The following TAFA5 variants were observed in gnomAD, a reference collection of about 807,000 sequenced individuals.
The protein encoded by TAFA5 is chemokine-like protein TAFA-5.
In TAFA5, 6 loss-of-function variants were observed where a neutral mutation model predicts 15.3. The ratio of observed to expected loss-of-function variants is 0.39; its 90% CI spans 0.21 to 0.77. The LOEUF is 0.77. TAFA5 is among the 30% of genes least tolerant of loss of function. TAFA5 has a pLI of 0.41. For synonymous variants in TAFA5, 103 were observed against 80.7 expected, an observed-to-expected ratio of 1.28 and a Z score of -1.48; for missense variants, 161 against 193.1, an observed-to-expected ratio of 0.83 and a Z score of 0.98.
chr22:48,654,047 C>T (rs1210830219), intron 2 of TAFA5, among the ~76,000 whole-genome samples: 1 of 152,098 alleles, frequency 6.6e-6, no homozygotes, highest in African/African-American at 2.4e-5. Flanking sequence ...GCTCTAGCCT[C>T]TCCATGTCCC....
At chr22:48,580,003 C>G (rs190098473) in intron 1 of TAFA5, among the ~76,000 whole-genome samples, 1 of 152,160 alleles carries the variant, frequency 6.6e-6, no homozygotes, top group Non-Finnish European at 1.5e-5. Flanking sequence ...ACGGCTTGAA[C>G]GTGCTGTGCA....
chr22:48,685,606 T>C (rs1928328098), intron 2 of TAFA5, among the ~76,000 whole-genome samples: 1 of 152,096 alleles, frequency 6.6e-6, no homozygotes, highest in Non-Finnish European at 1.5e-5. Flanking sequence ...GGGCCTAAAC[T>C]CCAAAAGGGA....
rs1169641819 is a variant in TAFA5 at position 48,529,255 on chromosome 22, G to GT, written c.112+39552dup. On this transcript the variant is annotated intron_variant, in intron 1 of 3. Coordinates refer to ENST00000402357, the MANE Select transcript of TAFA5 (RefSeq NM_001082967.3). ...GGGTGTTCAGGCAGGAGATGGGGGTGTCAGGCAGGAGATGAGGGTGTCAGA... is the reference window on the plus strand; with the variant it reads ...GGGTGTTCAGGCAGGAGATGGGGGTGTTCAGGCAGGAGATGAGGGTGTCAGA... 5.1e-5 allele frequency among the ~76,000 whole-genome samples: 5 copies of GT among 97,794 alleles called. 1 individual carries two copies. Among genetic ancestry groups the GT allele is most frequent in the Admixed American group, 1.0e-4 (1 of 9,956 alleles). 64.2% of individuals were successfully genotyped at this position (97,794 alleles called of 152,430 possible). A position where few individuals can be genotyped will look rare whatever the true frequency, so the allele number is the denominator to read the frequency against.
intron 2 of TAFA5, among the ~76,000 whole-genome samples, chr22:48,680,708 T>G (rs1928156615): frequency 6.6e-6 from 1 of 152,230 alleles, no homozygotes. Context: ...GAGGATGTGG[T>G]CCTCACCGTG....
intron 1 of TAFA5, among the ~76,000 whole-genome samples, chr22:48,542,529 G>GT (rs200836701): frequency 1.1e-5 from 1 of 92,352 alleles, no homozygotes; most frequent in Non-Finnish European, 2.1e-5. Flanking sequence ...GTGCATGTGT[G>GT]GTGTGTGGTG....
At chr22:48,572,610 T>C (rs745444728) in intron 1 of TAFA5, among the ~76,000 whole-genome samples, 4 of 152,210 alleles carry the variant, frequency 2.6e-5, no homozygotes, top group Non-Finnish European at 5.9e-5. Flanking sequence ...CCTGGCTTTT[T>C]TTGTGTGCCA....
intron 2 of TAFA5, among the ~76,000 whole-genome samples, chr22:48,686,832 T>A (rs996969813): frequency 6.2e-5 from 9 of 144,374 alleles, no homozygotes; most frequent in Admixed American, 1.4e-4. Flanking sequence ...GATGGACTGA[T>A]TGATGGATGG....
rs528547893 is a variant in TAFA5, at chr22:48,574,800, G to A, written c.113-71797G>A. Among the ~76,000 whole-genome samples, 12 of 152,330 alleles carry A rather than the reference G, an allele frequency of 7.9e-5. No individual in the cohort carries two copies. The South Asian group carries it at 1.0e-3, about 13-fold the overall frequency. On this transcript the variant is annotated intron_variant, in intron 1 of 3. Transcript: ENST00000402357. ...CTGGGCTCTGGGGCGAACCCCTGACGAGGACACCTGTGCCCCCTGCTCTGG... is the reference window on the plus strand; with the variant it reads ...CTGGGCTCTGGGGCGAACCCCTGACAAGGACACCTGTGCCCCCTGCTCTGG...
intron 1 of TAFA5, among the ~76,000 whole-genome samples, chr22:48,638,112 A>G (rs1451287300): frequency 6.6e-6 from 1 of 152,066 alleles, no homozygotes; most frequent in Non-Finnish European, 1.5e-5. Context: ...CAGGGAACAC[A>G]CAGGTGTGTC....
chr22:48,718,341 C>T (rs1417304937), intron 3 of TAFA5, among the ~76,000 whole-genome samples: 2 of 152,174 alleles, frequency 1.3e-5, no homozygotes, highest in African/African-American at 4.8e-5. Context: ...AACACTGAGC[C>T]TCTGTGGGGG....
intron 1 of TAFA5, among the ~76,000 whole-genome samples, chr22:48,541,036 A>G (rs1211225479): frequency 1.3e-5 from 2 of 151,980 alleles, no homozygotes; most frequent in African/African-American, 2.4e-5. Flanking sequence ...GGGCTGAGGA[A>G]CCTGTTCAGG....
chr22:48,589,200 G>A (rs1346819665), intron 1 of TAFA5, among the ~76,000 whole-genome samples: 2 of 152,222 alleles, frequency 1.3e-5, no homozygotes, highest in Non-Finnish European at 2.9e-5. Flanking sequence ...TGCACGTATT[G>A]AGTACCTGCT....
chr22:48,559,943 C>G (rs8142427), intron 1 of TAFA5, among the ~76,000 whole-genome samples: 15,362 of 152,208 alleles, frequency 0.1, 1,333 homozygotes, highest in African/African-American at 0.22. Flanking sequence ...CTATCTCAGC[C>G]TGGCACGGGA....
intron 3 of TAFA5, among the ~76,000 whole-genome samples, chr22:48,734,480 G>T (rs879484167): frequency 6.6e-6 from 1 of 152,218 alleles, no homozygotes; most frequent in Non-Finnish European, 1.5e-5. Flanking sequence ...AGGTGTCCTC[G>T]TCCTGCTGGT....
chr22:48,619,115 T>C (rs1925715398), intron 1 of TAFA5, among the ~76,000 whole-genome samples: 1 of 152,214 alleles, frequency 6.6e-6, no homozygotes, highest in Non-Finnish European at 1.5e-5. Flanking sequence ...ATGTTTAAAA[T>C]ACAGCAGCTA....
chr22:48,555,376 C>T, intron 1 of TAFA5, among the ~76,000 whole-genome samples: 1 of 152,218 alleles, frequency 6.6e-6, no homozygotes, highest in Non-Finnish European at 1.5e-5. Flanking sequence ...GAGCTCAGCC[C>T]TGGTGCTCAG....
intron 1 of TAFA5, among the ~76,000 whole-genome samples, chr22:48,497,044 ACAGGGACTG>A (rs546328597): frequency 5.6e-4 from 86 of 152,222 alleles, no homozygotes; most frequent in African/African-American, 2.0e-3. Context: ...CTGGTCCCGC[ACAGGGACTG>A]CAGGCCTGCC....
At chr22:48,555,575 CAAA>C (rs1923006837) in intron 1 of TAFA5, among the ~76,000 whole-genome samples, 1 of 152,190 alleles carries the variant, frequency 6.6e-6, no homozygotes, top group African/African-American at 2.4e-5. Flanking sequence ...AAAACAACAA[CAAA>C]AATCCGCAAA....
chr22:48,719,363 C>T (rs1487087714), intron 3 of TAFA5, among the ~76,000 whole-genome samples: 1 of 152,334 alleles, frequency 6.6e-6, no homozygotes, highest in East Asian at 1.9e-4. Flanking sequence ...GCTCCAAGTC[C>T]GTCTGGAGTG....
Sources: allele counts gnomAD v4.1 joint callset (sites outside exome capture counted in the v4.1 genomes callset), GRCh38; gene constraint gnomAD v4.1.1; transcripts MANE v1.5; gene names NCBI Gene and HGNC (gene_info 2026-07-23, HGNC 2026-07-21).